DOCK2: variants seen among roughly 807,000 people sequenced by gnomAD.
DOCK2 encodes the protein dedicator of cytokinesis protein 2.
In DOCK2, 87 loss-of-function variants were observed where a neutral mutation model predicts 248.9. The observed-to-expected ratio is 0.35, with a 90% CI of 0.29 to 0.42. DOCK2 has a LOEUF of 0.42. DOCK2 is among the 10% of genes least tolerant of loss of function. The pLI, the probability that DOCK2 is intolerant of heterozygous loss-of-function variation, is 1.00. For missense variants in DOCK2, 1,747 were observed against 2,300.2 expected, an observed-to-expected ratio of 0.76 and a Z score of 4.92; for synonymous variants, 805 against 821.6, an observed-to-expected ratio of 0.98 and a Z score of 0.35.
At chr5:170,045,773 C>A (rs759560494) in intron 38 of DOCK2, 43 bp from the exon 39 acceptor site, 1 of 1,596,848 alleles carries the variant, frequency 6.3e-7, no homozygotes, top group Non-Finnish European at 8.6e-7. Context: ...CTCTGCAAAC[C>A]CGGTGGTGCC....
intron 1 of DOCK2, among the ~76,000 whole-genome samples, chr5:169,649,078 G>A (rs1561904748): frequency 6.6e-6 from 1 of 152,218 alleles, no homozygotes; most frequent in Non-Finnish European, 1.5e-5. Flanking sequence ...TTCGATGAGC[G>A]CATTTCACTT....
chr5:169,948,613 A>G (rs1220637026), intron 27 of DOCK2, among the ~76,000 whole-genome samples: 1 of 135,946 alleles, frequency 7.4e-6, no homozygotes, highest in Non-Finnish European at 1.6e-5. Flanking sequence ...TCCACAATTA[A>G]TTTTTTTTTT....
rs958387703 is a variant in DOCK2, at chr5:170,022,297, G to A, written c.3381+3189G>A. Among the ~76,000 whole-genome samples the A allele has an allele frequency of 3.9e-5, 6 of 152,272 alleles. No individual in the cohort carries two copies. In the East Asian group the frequency reaches 1.2e-3, roughly 29 times the overall value. The stretch of plus-strand genomic sequence containing the variant: ...GCCAAGTATACATAGGCTGGAACTA[G>A]GACAGGAAGGTGTTAGACTCTCAGT... On this transcript the variant is annotated intron_variant, in intron 33 of 51. Coordinates refer to ENST00000520908, the MANE Select transcript of DOCK2 (RefSeq NM_004946.3).
chr5:170,031,422 C>T (rs1165052955), intron 34 of DOCK2, among the ~76,000 whole-genome samples: 1 of 152,218 alleles, frequency 6.6e-6, no homozygotes, highest in Non-Finnish European at 1.5e-5. Flanking sequence ...AGTCCTCCCA[C>T]AACAGGAGCA....
At chr5:169,650,865 A>G (rs1193264389) in intron 1 of DOCK2, among the ~76,000 whole-genome samples, 2 of 152,182 alleles carry the variant, frequency 1.3e-5, no homozygotes, top group African/African-American at 4.8e-5. Flanking sequence ...AGTATTCCCC[A>G]GGGCTTGGCG....
intron 32 of DOCK2, among the ~76,000 whole-genome samples, chr5:170,010,894 T>C (rs936755258): frequency 6.6e-6 from 1 of 152,232 alleles, no homozygotes; most frequent in African/African-American, 2.4e-5. Flanking sequence ...ATGTCCTTCA[T>C]TGCCATTGTT....
intron 27 of DOCK2, among the ~76,000 whole-genome samples, chr5:169,967,355 G>T (rs1001917561): frequency 1.3e-5 from 2 of 152,210 alleles, no homozygotes; most frequent in Non-Finnish European, 2.9e-5. Flanking sequence ...TACATGTGTT[G>T]GCTCAGATGC....
At chr5:169,995,277 C>T (rs769637801) in intron 29 of DOCK2, among the ~76,000 whole-genome samples, 7 of 152,142 alleles carry the variant, frequency 4.6e-5, no homozygotes, top group Non-Finnish European at 1.0e-4. Flanking sequence ...GATCCACCCA[C>T]CTTAGCCTCC....
intron 27 of DOCK2, among the ~76,000 whole-genome samples, chr5:169,973,259 T>G (rs1777593133): frequency 6.6e-6 from 1 of 152,152 alleles, no homozygotes; most frequent in African/African-American, 2.4e-5. Context: ...CTATAAATCC[T>G]CACCCACAAT....
At chr5:169,659,849 G>A (rs898056082) in intron 2 of DOCK2, among the ~76,000 whole-genome samples, 2 of 152,124 alleles carry the variant, frequency 1.3e-5, no homozygotes, top group African/African-American at 4.8e-5. Flanking sequence ...AAAAAGCAGT[G>A]TTATTTTATT....
chr5:169,675,447 C>T (rs1449592939), intron 6 of DOCK2, among the ~76,000 whole-genome samples: 3 of 152,214 alleles, frequency 2.0e-5, no homozygotes, highest in Non-Finnish European at 4.4e-5. Flanking sequence ...ATAAAAGTCC[C>T]TGTCCACTAA....
intron 2 of DOCK2, among the ~76,000 whole-genome samples, chr5:169,659,803 G>A (rs1758342787): frequency 6.6e-6 from 1 of 152,160 alleles, no homozygotes; most frequent in African/African-American, 2.4e-5. Context: ...AGTGTATTGA[G>A]CAGTAGGAAT....
At chr5:170,019,779 C>T (rs1479576625) in intron 33 of DOCK2, among the ~76,000 whole-genome samples, 2 of 152,090 alleles carry the variant, frequency 1.3e-5, no homozygotes, top group Non-Finnish European at 2.9e-5. Context: ...AATTGGCTCC[C>T]GGTACTGCTC....
intron 26 of DOCK2, among the ~76,000 whole-genome samples, chr5:169,828,814 C>T (rs773456441): frequency 1.3e-5 from 2 of 152,190 alleles, no homozygotes; most frequent in Non-Finnish European, 2.9e-5. Flanking sequence ...CCTATTCGAA[C>T]TTAAATCCGC....
chr5:169,663,543 A>G (rs1017592424), intron 2 of DOCK2, among the ~76,000 whole-genome samples: 4 of 152,216 alleles, frequency 2.6e-5, no homozygotes, highest in African/African-American at 9.6e-5. Flanking sequence ...AGGCATTTCC[A>G]TACATCCTCT....
At chr5:169,732,679 G>C (rs73318276) in intron 22 of DOCK2, among the ~76,000 whole-genome samples, 3,584 of 152,112 alleles carry the variant, frequency 0.024, 130 homozygotes, top group African/African-American at 0.08. Flanking sequence ...TCCCTGAAAC[G>C]TATCTCAATT....
chr5:169,839,689 G>A (rs531936636), intron 26 of DOCK2, among the ~76,000 whole-genome samples: 2 of 152,278 alleles, frequency 1.3e-5, no homozygotes, highest in African/African-American at 4.8e-5. Context: ...GTTACAACCT[G>A]ACTCACTGTA....
At chr5:169,730,659 A>C (rs1006236597) in intron 22 of DOCK2, among the ~76,000 whole-genome samples, 16 of 152,194 alleles carry the variant, frequency 1.1e-4, no homozygotes, top group African/African-American at 3.6e-4. Flanking sequence ...TCCATTCTTT[A>C]ATCATGCTAG....
At chr5:169,746,111 G>T (rs929245145) in intron 22 of DOCK2, among the ~76,000 whole-genome samples, 1 of 152,114 alleles carries the variant, frequency 6.6e-6, no homozygotes, top group East Asian at 1.9e-4. Context: ...TAGAGAGGGG[G>T]TTAGTTAGAA....
Sources: gnomAD v4.1 joint callset for allele counts (sites outside exome capture counted in the v4.1 genomes callset) on GRCh38, gnomAD v4.1.1 for gene constraint, MANE v1.5 for transcripts, NCBI Gene and HGNC (gene_info 2026-07-23, HGNC 2026-07-21) for gene names.